Variants in LRRFIP1 observed in about 807,000 individuals in gnomAD.
LRRFIP1 encodes LRR binding FLII interacting protein 1, also known as leucine-rich repeat flightless-interacting protein 1.
Under a neutral mutation model 104.4 loss-of-function variants are expected in LRRFIP1, and 62 were observed. That is an observed-to-expected ratio of 0.59 (90% CI 0.48 to 0.73). The LOEUF (loss-of-function observed/expected upper bound fraction) is 0.73, where lower values mean the gene tolerates loss of function less well. LRRFIP1 is among the 30% of genes least tolerant of loss of function. The pLI, the probability that LRRFIP1 is intolerant of heterozygous loss-of-function variation, is 0.00. For synonymous variants in LRRFIP1, 300 were observed against 299.0 expected (o/e 1.00, Z -0.03); for missense variants, 796 against 824.5 (o/e 0.97, Z 0.42).
At chr2:237,731,106 C>T (rs930352923) in intron 8 of LRRFIP1, among the ~76,000 whole-genome samples, 3 of 152,160 alleles carry the variant, frequency 2.0e-5, no homozygotes, top group Non-Finnish European at 2.9e-5. Context: ...GGAGCTGTTC[C>T]GTGAACCTGG....
At chr2:237,757,342 G>A in intron 16 of LRRFIP1, 114 bp from the exon 17 acceptor site, 1 of 666,016 alleles carries the variant, frequency 1.5e-6, no homozygotes, top group Non-Finnish European at 2.7e-6. Context: ...GGTTGATGAG[G>A]TGAAAGAGTG....
In LRRFIP1 at chr2:237,627,691, G is replaced by C. The variant is rs922399829; in HGVS notation, c.47G>C (p.Arg16Pro). Reference protein sequence around the residue: ...QGSGRKRLPNRERLTAEDDAL... With the variant: ...QGSGRKRLPNPERLTAEDDAL... The stretch of plus-strand genomic sequence containing the variant: ...TCGGGGCGCAAGCGGCTCCCCAACC[G>C]GGAGCGGCTCACGGCGGAGGACGAC... The change falls in exon 1 of 24, where the codon CGG becomes CCG. Residue 16 changes from arginine to proline, a missense_variant. Arg to Pro is a moderately radical substitution (Grantham distance 103). Coordinates refer to ENST00000308482, the MANE Select transcript of LRRFIP1 (RefSeq NM_001137550.2). 7.3e-7 allele frequency: 1 copy of C among 1,371,324 alleles called. No homozygotes were observed. The highest frequency in any genetic ancestry group is 9.5e-7 in the Non-Finnish European group (1 of 1,050,458). 84.9% of individuals were successfully genotyped at this position (1,371,324 alleles called of 1,614,324 possible).
rs910912192 is a variant in LRRFIP1, at chr2:237,739,152, G to A, written c.556-80G>A. ...CACTTACTGCAGCATGTTTTCTGTC[G>A]GCCTCTATTCTCCTTGCTCCTTTGC... On this transcript the variant is annotated intron_variant, in intron 10 of 23. Transcript: ENST00000308482. The A allele has an allele frequency of 1.6e-4, 198 of 1,261,896 alleles. No homozygotes were observed. Among genetic ancestry groups the A allele is most frequent in the Non-Finnish European group, 2.0e-4 (181 of 894,820 alleles). 78.2% of individuals were successfully genotyped at this position (1,261,896 alleles called of 1,614,324 possible).
chr2:237,662,318 C>T (rs1456793923), intron 1 of LRRFIP1, among the ~76,000 whole-genome samples: 5 of 152,110 alleles, frequency 3.3e-5, no homozygotes, highest in East Asian at 1.9e-4. Context: ...TGATTGTACA[C>T]GCAAAAAGCC....
intron 10 of LRRFIP1, among the ~76,000 whole-genome samples, chr2:237,738,038 C>G (rs1240943228): frequency 6.6e-6 from 1 of 152,146 alleles, no homozygotes; most frequent in African/African-American, 2.4e-5. Context: ...TTTGCCAGGC[C>G]TCATCTGGTC....
chr2:237,775,945 A>AT (rs578088927), intron 23 of LRRFIP1, among the ~76,000 whole-genome samples: 2 of 151,706 alleles, frequency 1.3e-5, no homozygotes, highest in African/African-American at 4.8e-5. Flanking sequence ...TTATTTATTT[A>AT]TTTATTTTAT....
In LRRFIP1 at chr2:237,677,210, T is replaced by A. The variant is rs115424078; in HGVS notation, c.97-31334T>A. On this transcript the variant is annotated intron_variant, in intron 1 of 23. Transcript: ENST00000308482. ...CGCTGACTCCCCATTCTCTTCTCCA[T>A]CCAGCCCTGGCACCCATCATTCTAC... 8.8e-3 allele frequency among the ~76,000 whole-genome samples: 1,338 copies of A among 152,252 alleles called. 16 individuals carry two copies. The highest frequency in any genetic ancestry group is 0.026 in the African/African-American group (1,089 of 41,538).
chr2:237,743,438 G>C (rs1267135481), intron 11 of LRRFIP1, among the ~76,000 whole-genome samples: 1 of 152,170 alleles, frequency 6.6e-6, no homozygotes, highest in East Asian at 1.9e-4. Flanking sequence ...CCACCCACTT[G>C]GTCCTCCCAG....
chr2:237,665,657 C>T (rs1249906896), intron 1 of LRRFIP1, among the ~76,000 whole-genome samples: 2 of 152,132 alleles, frequency 1.3e-5, no homozygotes, highest in Admixed American at 6.6e-5. Context: ...TATGTGAAAG[C>T]GATATTGTGT....
chr2:237,779,198 A>G (rs2061346157), intron 23 of LRRFIP1: 1 of 282,604 alleles, frequency 3.5e-6, no homozygotes, highest in African/African-American at 2.3e-5. Flanking sequence ...TGGGCGACTG[A>G]GCGAGATTCC....
intron 1 of LRRFIP1, among the ~76,000 whole-genome samples, chr2:237,634,371 T>C (rs1276802241): frequency 1.3e-5 from 2 of 152,226 alleles, no homozygotes; most frequent in Admixed American, 6.5e-5. Context: ...TAGTTCATTG[T>C]AGTGTGGGGC....
chr2:237,757,384 G>T, intron 16 of LRRFIP1, 72 bp from the exon 17 acceptor site: 1 of 963,020 alleles, frequency 1.0e-6, no homozygotes, highest in Non-Finnish European at 1.6e-6. Flanking sequence ...CCAGCTCTCA[G>T]GTTCTCTCTC....
intron 6 of LRRFIP1, among the ~76,000 whole-genome samples, chr2:237,722,633 G>C (rs2094573842): frequency 6.6e-6 from 1 of 152,188 alleles, no homozygotes; most frequent in Middle Eastern, 3.2e-3. Context: ...TTCATTTTCA[G>C]CCACATGACA....
intron 14 of LRRFIP1, 67 bp from the exon 15 acceptor site, chr2:237,753,242 A>C: frequency 7.9e-7 from 1 of 1,271,048 alleles, no homozygotes; most frequent in Non-Finnish European, 1.1e-6. Context: ...TTTTTAACAG[A>C]ATACTGAATG....
At chr2:237,680,216 G>C (rs1477057464) in intron 1 of LRRFIP1, among the ~76,000 whole-genome samples, 1 of 152,194 alleles carries the variant, frequency 6.6e-6, no homozygotes, top group Admixed American at 6.5e-5. Flanking sequence ...GGCTGGCCAG[G>C]CACAGTGGCT....
chr2:237,697,219 C>T (rs2093248678), intron 1 of LRRFIP1, among the ~76,000 whole-genome samples: 1 of 152,138 alleles, frequency 6.6e-6, no homozygotes, highest in African/African-American at 2.4e-5. Context: ...GATGGGGTTT[C>T]ACCACATTGG....
chr2:237,750,921 G>A (rs1484636020), intron 13 of LRRFIP1, among the ~76,000 whole-genome samples: 2 of 152,126 alleles, frequency 1.3e-5, no homozygotes, highest in African/African-American at 4.8e-5. Context: ...GAAATAACCT[G>A]TACCGTTTTC....
intron 2 of LRRFIP1, among the ~76,000 whole-genome samples, chr2:237,713,720 A>G (rs372500125): frequency 6.6e-6 from 1 of 152,238 alleles, no homozygotes; most frequent in East Asian, 1.9e-4. Flanking sequence ...AAGCAAACGA[A>G]TATGTCAATG....
intron 1 of LRRFIP1, among the ~76,000 whole-genome samples, chr2:237,658,518 G>C (rs59650131): frequency 0.011 from 1,741 of 152,258 alleles, 27 homozygotes; most frequent in African/African-American, 0.04. Context: ...GCATTAATCT[G>C]TTTTCATACT....
Sources: gnomAD v4.1 joint callset for allele counts (sites outside exome capture counted in the v4.1 genomes callset) on GRCh38, gnomAD v4.1.1 for gene constraint, MANE v1.5 for transcripts, NCBI Gene and HGNC (gene_info 2026-07-23, HGNC 2026-07-21) for gene names.